The following CHD9 variants were observed in gnomAD, a reference collection of about 807,000 sequenced individuals.
CHD9 encodes ATP-dependent chromatin remodeler CHD9.
CHD9 carries 77 observed loss-of-function variants against 316.1 expected under a neutral mutation model. The ratio of observed to expected loss-of-function variants is 0.24; its 90% confidence interval spans 0.20 to 0.29. The LOEUF is 0.29. Among genes scored for constraint, CHD9 ranks in the 10% least tolerant of loss-of-function variants. CHD9 has a pLI of 1.00. For missense variants in CHD9, 2,763 were observed against 3,438.1 expected (o/e 0.80, Z 4.91); for synonymous variants, 1,129 against 1,158.3 (o/e 0.97, Z 0.51).
chr16:53,112,876 G>A (rs1182156324), intron 1 of CHD9, among the ~76,000 whole-genome samples: 2 of 152,040 alleles, frequency 1.3e-5, no homozygotes, highest in Non-Finnish European at 2.9e-5. Flanking sequence ...AGCTGGGTGT[G>A]GTGTCTCACG....
chr16:53,119,781 G>A (rs1391379005), intron 1 of CHD9, among the ~76,000 whole-genome samples: 20 of 152,216 alleles, frequency 1.3e-4, no homozygotes, highest in Non-Finnish European at 2.6e-4. Flanking sequence ...GCAGTGAGCC[G>A]AGACTGAGCC....
intron 1 of CHD9, among the ~76,000 whole-genome samples, chr16:53,087,980 A>G (rs1417808386): frequency 6.6e-6 from 1 of 151,886 alleles, no homozygotes; most frequent in Non-Finnish European, 1.5e-5. Flanking sequence ...CCAATCCAAG[A>G]TACTTTTGAG....
At chr16:53,254,041 G>T (rs1047156697) in intron 17 of CHD9, among the ~76,000 whole-genome samples, 2 of 152,142 alleles carry the variant, frequency 1.3e-5, no homozygotes, top group Non-Finnish European at 2.9e-5. Flanking sequence ...GTCAGATGTG[G>T]TGGCAGGTGC....
At chr16:53,202,883 A>AC (rs1362195161) in intron 2 of CHD9, among the ~76,000 whole-genome samples, 1 of 152,240 alleles carries the variant, frequency 6.6e-6, no homozygotes, top group Non-Finnish European at 1.5e-5. Context: ...ACAGATGTGA[A>AC]GAAAGTGAAG....
At chr16:53,182,695 T>G (rs887402512) in intron 2 of CHD9, among the ~76,000 whole-genome samples, 8 of 152,190 alleles carry the variant, frequency 5.3e-5, no homozygotes, top group African/African-American at 1.9e-4. Flanking sequence ...ACTTTAATAC[T>G]TAAATCTACA....
chr16:53,290,093 G>C (rs1237402720), intron 27 of CHD9, among the ~76,000 whole-genome samples: 1 of 152,114 alleles, frequency 6.6e-6, no homozygotes, highest in African/African-American at 2.4e-5. Flanking sequence ...GGCCAACATG[G>C]TGAAACCCAA....
chr16:53,306,128 C>A, intron 31 of CHD9, 109 bp from the exon 32 acceptor site: 5 of 595,288 alleles, frequency 8.4e-6, no homozygotes, highest in Non-Finnish European at 1.0e-5. Flanking sequence ...TTTGTTTTTA[C>A]TTCTAACATT....
chr16:53,182,604 G>A (rs2043622390), intron 2 of CHD9, among the ~76,000 whole-genome samples: 1 of 152,054 alleles, frequency 6.6e-6, no homozygotes, highest in African/African-American at 2.4e-5. Flanking sequence ...TCAATAGTAT[G>A]TTTGAGTTAC....
chr16:53,102,727 G>A (rs1219959029), intron 1 of CHD9, among the ~76,000 whole-genome samples: 1 of 152,122 alleles, frequency 6.6e-6, no homozygotes, highest in African/African-American at 2.4e-5. Flanking sequence ...GTGCATGCCT[G>A]TAGTCGTAGC....
intron 2 of CHD9, among the ~76,000 whole-genome samples, chr16:53,187,394 C>T (rs1219837012): frequency 2.6e-5 from 4 of 151,988 alleles, no homozygotes; most frequent in African/African-American, 9.7e-5. Context: ...ACCTGTAGTC[C>T]TAGCAGGAGG....
At chr16:53,128,350 T>C (rs1387555968) in intron 1 of CHD9, among the ~76,000 whole-genome samples, 1 of 152,060 alleles carries the variant, frequency 6.6e-6, no homozygotes, top group Non-Finnish European at 1.5e-5. Context: ...GCCCAGCTAA[T>C]GTTGTATTTT....
intron 27 of CHD9, among the ~76,000 whole-genome samples, chr16:53,289,305 C>CA (rs1649864956): frequency 1.3e-5 from 2 of 152,026 alleles, no homozygotes; most frequent in Non-Finnish European, 2.9e-5. Context: ...CCTGTAATCC[C>CA]AGCACTTTGG....
rs540296864 is a variant in CHD9, at chr16:53,153,803, G to A, written c.-164-2123G>A. On this transcript the variant is annotated intron_variant, in intron 1 of 38. Transcript: ENST00000447540. ...ATTCCTCCCACTTCAGCCTCCCAAA[G>A]TGCTGGGATTATAGGTGTGAGCCAC... Among the ~76,000 whole-genome samples, 27 of 152,222 alleles carry A rather than the reference G, an allele frequency of 1.8e-4. No individual in the cohort carries two copies. In the South Asian group the frequency reaches 3.1e-3, roughly 18 times the overall value.
At chr16:53,248,899 G>A (rs1182883124) in intron 16 of CHD9, among the ~76,000 whole-genome samples, 1 of 152,114 alleles carries the variant, frequency 6.6e-6, no homozygotes, top group Non-Finnish European at 1.5e-5. Flanking sequence ...TAGAGATTAT[G>A]TAGTTCATTT....
chr16:53,092,513 G>A (rs2036033740), intron 1 of CHD9, among the ~76,000 whole-genome samples: 1 of 151,970 alleles, frequency 6.6e-6, no homozygotes, highest in Non-Finnish European at 1.5e-5. Context: ...AGGTGATTTG[G>A]GAGCCCAAAC....
intron 38 of CHD9, among the ~76,000 whole-genome samples, chr16:53,323,286 T>C (rs1013055436): frequency 1.8e-4 from 27 of 152,224 alleles, no homozygotes; most frequent in African/African-American, 6.0e-4. Context: ...CTGTTTCTGT[T>C]TTACCTATTT....
chr16:53,107,281 G>A (rs1048729228), intron 1 of CHD9, among the ~76,000 whole-genome samples: 4 of 151,786 alleles, frequency 2.6e-5, no homozygotes, highest in South Asian at 2.1e-4. Context: ...CCAATATGGC[G>A]AAACCCCGTC....
chr16:53,248,979 TGTATA>T (rs1403363971), intron 16 of CHD9, among the ~76,000 whole-genome samples: 10 of 152,194 alleles, frequency 6.6e-5, no homozygotes, highest in African/African-American at 2.4e-4. Context: ...CATTTTAAAA[TGTATA>T]GTATTCTCAA....
intron 5 of CHD9, 168 bp from the exon 6 acceptor site, chr16:53,227,228 C>T (rs2152918708): frequency 2.0e-6 from 1 of 506,936 alleles, no homozygotes; most frequent in Admixed American, 4.3e-5. Flanking sequence ...AGGACAATGA[C>T]AATGATATAT....
Sources: gnomAD v4.1 joint callset for allele counts (sites outside exome capture counted in the v4.1 genomes callset) on GRCh38, gnomAD v4.1.1 for gene constraint, MANE v1.5 for transcripts, NCBI Gene and HGNC (gene_info 2026-07-23, HGNC 2026-07-21) for gene names.